ULK2: variants seen among roughly 807,000 people sequenced by gnomAD.
The protein encoded by ULK2 is unc-51 like autophagy activating kinase 2.
ULK2 carries 76 observed loss-of-function variants against 127.5 expected under a neutral mutation model. That is an observed-to-expected ratio of 0.60 (90% CI 0.50 to 0.72). The LOEUF is 0.72. Among genes scored for constraint, ULK2 ranks in the 30% least tolerant of loss-of-function variants. The probability of loss-of-function intolerance (pLI) is 0.00; values close to 1 mark genes in which losing one functional copy is unlikely to be tolerated. For missense variants in ULK2, 1,144 were observed against 1,295.9 expected (o/e 0.88, Z 1.80); for synonymous variants, 452 against 461.9 (o/e 0.98, Z 0.28).
intron 10 of ULK2, among the ~76,000 whole-genome samples, chr17:19,829,048 A>C (rs997645166): frequency 1.3e-5 from 2 of 152,202 alleles, no homozygotes; most frequent in African/African-American, 4.8e-5. Flanking sequence ...AGCCTGGGTG[A>C]AAGTGTAAGA....
intron 5 of ULK2, among the ~76,000 whole-genome samples, chr17:19,847,362 C>G (rs2041908166): frequency 6.6e-6 from 1 of 152,160 alleles, no homozygotes. Flanking sequence ...CCAGAGGGAT[C>G]AGATACTACT....
At chr17:19,840,572 A>T in intron 9 of ULK2, 1 of 257,482 alleles carries the variant, frequency 3.9e-6, no homozygotes, top group Non-Finnish European at 7.7e-6. Flanking sequence ...ATCATTTAAA[A>T]AAAAAAAAAA....
chr17:19,857,554 A>T (rs942808723), intron 3 of ULK2, among the ~76,000 whole-genome samples: 1 of 152,160 alleles, frequency 6.6e-6, no homozygotes, highest in Non-Finnish European at 1.5e-5. Flanking sequence ...CAGTTTTATG[A>T]GCACCACCTA....
intron 8 of ULK2, among the ~76,000 whole-genome samples, chr17:19,842,190 CTTTTTTTTTTT>C (rs869294657): frequency 4.5e-5 from 4 of 88,378 alleles, no homozygotes; most frequent in Middle Eastern, 0.012. Context: ...TTTTCTTTTT[CTTTTTTTTTTT>C]TTTTTTTTTT....
intron 9 of ULK2, among the ~76,000 whole-genome samples, chr17:19,839,232 T>G (rs2041676241): frequency 6.6e-6 from 1 of 152,156 alleles, no homozygotes. Context: ...AGTAGCCACC[T>G]CCATTTCTGT....
intron 26 of ULK2, among the ~76,000 whole-genome samples, chr17:19,777,096 CCTAT>C (rs1471455190): frequency 6.6e-6 from 1 of 151,478 alleles, no homozygotes; most frequent in South Asian, 2.1e-4. Context: ...TACCTACCTA[CCTAT>C]CTACCTACCT....
rs1364198400 is a variant in ULK2, at chr17:19,816,823, G to A, written c.1022C>T (p.Thr341Ile). ...YLQVSKDSAS[T>I]SSKNSSCDTD... ...GTCACAAGAAGAGTTCTTGCTACTA[G>A]TACTGGCAGAATCTTTGGAAACTTG... is the stretch of plus-strand genomic sequence containing the variant. The change falls in exon 13 of 27, where the codon ACT becomes ATT. Residue 341 changes from threonine to isoleucine, a missense_variant. Thr to Ile is a moderately conservative substitution (Grantham distance 89, BLOSUM62 -1). Transcript: ENST00000395544. 1.1e-5 allele frequency: 17 copies of A among 1,612,106 alleles called. No individual in the cohort carries two copies. The highest frequency in any genetic ancestry group is 1.4e-5 in the Non-Finnish European group (17 of 1,179,452).
At chr17:19,856,681 C>T (rs1337653763) in intron 3 of ULK2, among the ~76,000 whole-genome samples, 1 of 148,456 alleles carries the variant, frequency 6.7e-6, no homozygotes, top group Non-Finnish European at 1.5e-5. Flanking sequence ...TGCTATAAAA[C>T]GAGTTTTACG....
At chr17:19,779,145 C>A (rs2086865601) in intron 25 of ULK2, among the ~76,000 whole-genome samples, 1 of 152,006 alleles carries the variant, frequency 6.6e-6, no homozygotes, top group African/African-American at 2.4e-5. Flanking sequence ...TAATAAATTT[C>A]AAAATAAGGC....
intron 12 of ULK2, among the ~76,000 whole-genome samples, chr17:19,822,365 T>C (rs946207438): frequency 2.6e-5 from 4 of 151,656 alleles, no homozygotes; most frequent in Non-Finnish European, 5.9e-5. Flanking sequence ...TATTTTTTAT[T>C]TTATTTTTTT....
At chr17:19,814,448 T>TGTTGTTGTTGTTG (rs1467778986) in intron 13 of ULK2, among the ~76,000 whole-genome samples, 3 of 8,092 alleles carry the variant, frequency 3.7e-4, no homozygotes, top group African/African-American at 1.1e-3. Flanking sequence ...ATTTTTTTTT[T>TGTTGTTGTTGTTG]TTTTTTTTTT....
intron 10 of ULK2, among the ~76,000 whole-genome samples, chr17:19,836,901 T>A (rs1261954646): frequency 1.3e-5 from 2 of 151,696 alleles, no homozygotes; most frequent in African/African-American, 4.8e-5. Context: ...CGAGACTCTG[T>A]CTCAAAAACA....
intron 12 of ULK2, among the ~76,000 whole-genome samples, chr17:19,820,109 C>T (rs1185386577): frequency 3.4e-5 from 5 of 148,416 alleles, no homozygotes; most frequent in East Asian, 2.0e-4. Flanking sequence ...AGTGCAGTGG[C>T]GTGATCTCGG....
intron 14 of ULK2, among the ~76,000 whole-genome samples, chr17:19,810,063 C>T (rs942016619): frequency 6.6e-6 from 1 of 150,796 alleles, no homozygotes; most frequent in Non-Finnish European, 1.5e-5. Flanking sequence ...AACCTTGTCT[C>T]TATTAAAAAT....
intron 20 of ULK2, among the ~76,000 whole-genome samples, chr17:19,790,791 T>A (rs1597719058): frequency 6.6e-6 from 1 of 152,080 alleles, no homozygotes; most frequent in Non-Finnish European, 1.5e-5. Context: ...GAGACACATG[T>A]AGACTGATAA....
chr17:19,777,652 T>C lies in ULK2; in HGVS notation c.2981A>G (p.Lys994Arg). 6.2e-7 allele frequency: 1 copy of C among 1,614,184 alleles called. No homozygotes were observed. The highest frequency in any genetic ancestry group is 1.1e-5 in the South Asian group (1 of 91,078). ...TAGGCCTTCCAAAAGAAGGGCTGCC[T>C]TATGATAGCGATAAACAATATCTTC... The part of the protein sequence containing the change: ...QTEDIVYRYH[K>R]AALLLEGLSR... Residue 994 changes from lysine (K) to arginine (R), a missense_variant, in exon 26 of 27, where the codon AAG (lysine) becomes AGG (arginine). Around this residue, in one of 2 missense-constraint regions of ULK2, gnomAD observed 913 missense variants for 970.5 expected, o/e 0.94. Transcript: ENST00000395544.
intron 12 of ULK2, among the ~76,000 whole-genome samples, chr17:19,820,688 C>T (rs1165292371): frequency 3.9e-5 from 6 of 152,164 alleles, no homozygotes; most frequent in South Asian, 2.1e-4. Flanking sequence ...CAGTGGCTCA[C>T]GCTTCTATGA....
intron 10 of ULK2, among the ~76,000 whole-genome samples, chr17:19,828,848 G>A (rs865916645): frequency 1.3e-5 from 2 of 152,200 alleles, no homozygotes; most frequent in South Asian, 2.1e-4. Context: ...GGTGGCTCAC[G>A]CCTCTAATCC....
rs371177314 is a variant in ULK2, at chr17:19,783,783, A to G, written c.2374T>C (p.Tyr792His). The change falls in exon 22 of 27, where the codon TAC becomes CAC. Residue 792 changes from tyrosine to histidine, a missense_variant. By Grantham distance (83) the Tyr-to-His change is moderately conservative. Transcript: ENST00000395544. ...PGAEAAPSLR[Y>H]VPYGASPPSL... Reference sequence around the variant, plus strand: ...GGGGGTGAAGCACCGTAAGGCACGTATCTCAGGCTGGGAGCTGCCTCTGCT... The same window carrying G: ...GGGGGTGAAGCACCGTAAGGCACGTGTCTCAGGCTGGGAGCTGCCTCTGCT... 1 of 1,604,234 alleles carries G rather than the reference A, an allele frequency of 6.2e-7. No individual in the cohort carries two copies.
Sources: gnomAD v4.1 joint callset for allele counts (sites outside exome capture counted in the v4.1 genomes callset) on GRCh38, gnomAD v4.1.1 for gene constraint, gnomAD v4.1.1 regional missense constraint, MANE v1.5 for transcripts, NCBI Gene and HGNC (gene_info 2026-07-23, HGNC 2026-07-21) for gene names.